The following LNX2 variants were observed in gnomAD, a reference collection of about 807,000 sequenced individuals.
LNX2 encodes ligand of Numb protein X 2.
Under a neutral mutation model 66.2 loss-of-function variants are expected in LNX2, and 35 were observed. That is an observed-to-expected ratio of 0.53 (90% CI 0.40 to 0.70). The LOEUF is 0.70. Ranked by LOEUF, LNX2 falls within the 30% of genes least tolerant of loss-of-function variation. The pLI, the probability that LNX2 is intolerant of heterozygous loss-of-function variation, is 0.00. For synonymous variants in LNX2, 337 were observed against 315.6 expected (o/e 1.07, Z -0.72); for missense variants, 791 against 850.8 (o/e 0.93, Z 0.87).
At chr13:27,596,229 G>A (rs1006394188) in intron 1 of LNX2, among the ~76,000 whole-genome samples, 1 of 152,092 alleles carries the variant, frequency 6.6e-6, no homozygotes, top group Non-Finnish European at 1.5e-5. Flanking sequence ...AGTTAGGTAT[G>A]TCAAGAATGC....
chr13:27,583,210 GT>G (rs1955426972), intron 1 of LNX2, among the ~76,000 whole-genome samples: 3 of 22,084 alleles, frequency 1.4e-4, no homozygotes, highest in Admixed American at 3.9e-4. Context: ...GTGTGTGTGT[GT>G]GTGTGTGTGT....
chr13:27,549,388 A>G (rs889273109), intron 9 of LNX2, among the ~76,000 whole-genome samples: 4 of 150,842 alleles, frequency 2.7e-5, no homozygotes, highest in Non-Finnish European at 5.9e-5. Context: ...GCTGGTGATG[A>G]TGTCTTGCCA....
At chr13:27,556,081 CAT>C (rs1282727526) in intron 7 of LNX2, among the ~76,000 whole-genome samples, 153 bp downstream of exon 7, 1 of 152,092 alleles carries the variant, frequency 6.6e-6, no homozygotes, top group African/African-American at 2.4e-5. Flanking sequence ...TTTCTAACCT[CAT>C]AGAATGACTT....
chr13:27,557,058 C>G (rs144321575), intron 6 of LNX2, among the ~76,000 whole-genome samples: 1 of 152,080 alleles, frequency 6.6e-6, no homozygotes, highest in African/African-American at 2.4e-5. Context: ...TTTGTTACTA[C>G]TACTTATTAT....
intron 4 of LNX2, among the ~76,000 whole-genome samples, chr13:27,566,362 C>G (rs73446840): frequency 6.6e-6 from 1 of 152,054 alleles, no homozygotes; most frequent in Non-Finnish European, 1.5e-5. Context: ...GTATATTCCA[C>G]GAGGACAGGT....
chr13:27,588,042 A>AAAAAAAAAAAAAAAAAAAC (rs1190342211), intron 1 of LNX2, among the ~76,000 whole-genome samples: 1 of 123,522 alleles, frequency 8.1e-6, no homozygotes, highest in African/African-American at 3.3e-5. Flanking sequence ...AAAAAAAAAA[A>AAAAAAAAAAAAAAAAAAAC]AAAAAAAAGC....
intron 2 of LNX2, among the ~76,000 whole-genome samples, chr13:27,574,418 A>C (rs1325549943): frequency 6.9e-6 from 1 of 144,750 alleles, no homozygotes; most frequent in African/African-American, 2.6e-5. Context: ...GTCTCCAAAA[A>C]AACAAAACAG....
chr13:27,573,331 T>C (rs1731920183), intron 2 of LNX2, among the ~76,000 whole-genome samples: 1 of 152,090 alleles, frequency 6.6e-6, no homozygotes, highest in African/African-American at 2.4e-5. Flanking sequence ...CTTCTTTTTT[T>C]TCCCCCTATA....
At chr13:27,616,368 G>C (rs368944565) in intron 1 of LNX2, among the ~76,000 whole-genome samples, 1 of 152,108 alleles carries the variant, frequency 6.6e-6, no homozygotes, top group African/African-American at 2.4e-5. Context: ...AGTAGGCTTC[G>C]ATAGGTGGTA....
At chr13:27,610,247 C>A (rs1955758789) in intron 1 of LNX2, among the ~76,000 whole-genome samples, 1 of 152,172 alleles carries the variant, frequency 6.6e-6, no homozygotes, top group Non-Finnish European at 1.5e-5. Flanking sequence ...TCAGCTAAAC[C>A]CAGACTATCG....
intron 1 of LNX2, among the ~76,000 whole-genome samples, chr13:27,608,797 T>TTTTTGTTTTGTTTTG (rs58647987): frequency 0.092 from 13,952 of 150,888 alleles, 766 homozygotes; most frequent in African/African-American, 0.12. Flanking sequence ...TTCTTTGAGT[T>TTTTTGTTTTGTTTTG]TTTTGTTTTG....
chr13:27,609,435 C>T (rs757530511), intron 1 of LNX2, among the ~76,000 whole-genome samples: 6 of 152,250 alleles, frequency 3.9e-5, no homozygotes, highest in East Asian at 1.9e-4. Context: ...GGTTTACAGG[C>T]GTGAGCCACT....
At chr13:27,577,802 CACTT>C (rs1433082751) in intron 2 of LNX2, among the ~76,000 whole-genome samples, 1 of 152,196 alleles carries the variant, frequency 6.6e-6, no homozygotes, top group Non-Finnish European at 1.5e-5. Context: ...CAACAACTAG[CACTT>C]ACAATTACCA....
chr13:27,550,182 G>T (rs1194755262), intron 9 of LNX2, 151 bp downstream of exon 9: 18 of 608,670 alleles, frequency 3.0e-5, no homozygotes, highest in Non-Finnish European at 4.7e-5. Context: ...GAGCCAGAGA[G>T]TACATAAACC....
At chr13:27,550,156 C>A (rs1008808488) in intron 9 of LNX2, among the ~76,000 whole-genome samples, 177 bp downstream of exon 9, 2 of 152,106 alleles carry the variant, frequency 1.3e-5, no homozygotes, top group Non-Finnish European at 2.9e-5. Flanking sequence ...ACATCAACTC[C>A]GCTGGTGTAG....
rs1472075197 is a variant in LNX2, at chr13:27,547,249, G to C, written c.*1086C>G. On this transcript the variant is annotated 3_prime_UTR_variant, in exon 10 of 10. Coordinates refer to ENST00000316334, the MANE Select transcript of LNX2 (RefSeq NM_153371.4). The stretch of plus-strand genomic sequence containing the variant: ...ACACAACTCTAGAAATAATTTTTTA[G>C]CAAAAACTACTTCAAAATTTCCCTA... The C allele has an allele frequency of 6.6e-6, 1 of 151,992 alleles. No homozygotes were observed. Among genetic ancestry groups the C allele is most frequent in the Non-Finnish European group, 1.5e-5 (1 of 67,968 alleles). The allele number at this position is 151,992 out of a possible 1,614,324, so 9.4% of individuals were successfully genotyped here.
chr13:27,609,605 C>G (rs1016797059), intron 1 of LNX2, among the ~76,000 whole-genome samples: 3 of 152,158 alleles, frequency 2.0e-5, no homozygotes, highest in Non-Finnish European at 4.4e-5. Context: ...TTTAGAAAGA[C>G]TAAAATCATG....
In LNX2 at chr13:27,567,750, T is replaced by C. The variant is rs1955224423; in HGVS notation, c.745A>G (p.Ile249Val). The C allele has an allele frequency of 6.2e-7, 1 of 1,613,976 alleles. No individual in the cohort carries two copies. Among genetic ancestry groups the C allele is most frequent in the Non-Finnish European group, 8.5e-7 (1 of 1,179,926 alleles). The stretch of plus-strand genomic sequence containing the variant: ...AAAGGTGTTTCGTTGCCACCCACAA[T>C]GCTGATTCCTAACTGAATGTAAGGA... ...SNPYIQLGIS[I>V]VGGNETPLIN... The change falls in exon 4 of 10, where the codon ATT (isoleucine) becomes GTT (valine). Residue 249 changes from isoleucine (I) to valine (V), a missense_variant. Coordinates refer to ENST00000316334, the MANE Select transcript of LNX2 (RefSeq NM_153371.4).
At chr13:27,568,866 G>A (rs1955239163) in intron 3 of LNX2, among the ~76,000 whole-genome samples, 163 bp downstream of exon 3, 1 of 152,152 alleles carries the variant, frequency 6.6e-6, no homozygotes, top group Non-Finnish European at 1.5e-5. Flanking sequence ...ACAATGAAAA[G>A]GGTGAATGAT....
Sources: allele counts gnomAD v4.1 joint callset (sites outside exome capture counted in the v4.1 genomes callset), GRCh38; gene constraint gnomAD v4.1.1; transcripts MANE v1.5; gene names NCBI Gene and HGNC (gene_info 2026-07-23, HGNC 2026-07-21).